ZBTB24: variants seen among roughly 807,000 people sequenced by gnomAD.
The protein encoded by ZBTB24 is zinc finger and BTB domain containing 24.
Under a neutral mutation model 53.8 loss-of-function variants are expected in ZBTB24, and 32 were observed. That is an observed-to-expected ratio of 0.60 (90% CI 0.45 to 0.80). The LOEUF (loss-of-function observed/expected upper bound fraction) is 0.80. ZBTB24 is among the 30% of genes least tolerant of loss of function. The pLI is 0.00. For missense variants in ZBTB24, 722 were observed against 837.1 expected, an observed-to-expected ratio of 0.86 and a Z score of 1.70; for synonymous variants, 297 against 306.7, an observed-to-expected ratio of 0.97 and a Z score of 0.33.
Position 109,466,234 on chromosome 6 carries a change from G to T in ZBTB24, c.1711C>A (p.Gln571Lys), listed in dbSNP as rs1309033090. Residue 571 changes from glutamine (Q) to lysine (K), a missense_variant, in exon 7 of 7, where the codon CAG becomes AAG. Gln to Lys is a moderately conservative substitution (Grantham distance 53, BLOSUM62 1). Transcript: ENST00000230122. ...TCTGCAGTCACAATGCTGATTCCCT[G>T]GCTAGGACCGGGCATGAAATTGATG... is the stretch of plus-strand genomic sequence containing the variant. ...HNINFMPGPS[Q>K]GISIVTAESS... 6.2e-7 allele frequency: 1 copy of T among 1,614,240 alleles called. No homozygotes were observed. The highest frequency in any genetic ancestry group is 1.1e-5 in the South Asian group (1 of 91,088).
chr6:109,477,729 T>A (rs543922308), intron 2 of ZBTB24, among the ~76,000 whole-genome samples: 3 of 152,286 alleles, frequency 2.0e-5, no homozygotes, highest in South Asian at 4.1e-4. Context: ...TAAGTCAACA[T>A]TTCCATCTGG....
chr6:109,474,163 T>C (rs1194775009), intron 5 of ZBTB24, among the ~76,000 whole-genome samples: 1 of 152,100 alleles, frequency 6.6e-6, no homozygotes, highest in East Asian at 1.9e-4. Context: ...AACAGAATTA[T>C]TAAATAACCT....
At chr6:109,469,975 GAA>G (rs1183443513) in intron 5 of ZBTB24, among the ~76,000 whole-genome samples, 3 of 152,208 alleles carry the variant, frequency 2.0e-5, no homozygotes, top group African/African-American at 7.2e-5. Flanking sequence ...GGAGCCTCTG[GAA>G]GTTTTTAGCA....
chr6:109,480,471 G>A (rs780804641), intron 2 of ZBTB24, among the ~76,000 whole-genome samples: 14 of 152,034 alleles, frequency 9.2e-5, no homozygotes, highest in Non-Finnish European at 1.8e-4. Flanking sequence ...GTGGTTACTG[G>A]CCACCATATT....
intron 2 of ZBTB24, among the ~76,000 whole-genome samples, chr6:109,480,499 G>A (rs973461224): frequency 6.6e-6 from 1 of 152,170 alleles, no homozygotes; most frequent in African/African-American, 2.4e-5. Context: ...AGAGATGTAG[G>A]AACATTTCCA....
chr6:109,467,601 C>A, intron 6 of ZBTB24, 52 bp downstream of exon 6: 14 of 1,613,786 alleles, frequency 8.7e-6, no homozygotes, highest in Non-Finnish European at 1.2e-5. Context: ...CCTCACTGAA[C>A]AGCAGAACTG....
At chr6:109,472,002 T>C (rs1045708192) in intron 5 of ZBTB24, among the ~76,000 whole-genome samples, 4 of 152,138 alleles carry the variant, frequency 2.6e-5, no homozygotes, top group African/African-American at 9.7e-5. Context: ...ATCTCTAATT[T>C]GCCTTTGACT....
intron 6 of ZBTB24, among the ~76,000 whole-genome samples, chr6:109,467,403 C>G (rs1167753263): frequency 6.6e-6 from 1 of 152,236 alleles, no homozygotes; most frequent in Admixed American, 6.5e-5. Flanking sequence ...CCCAGTTACT[C>G]AGGAGGCCAC....
At chr6:109,471,218 A>G (rs1776158800) in intron 5 of ZBTB24, among the ~76,000 whole-genome samples, 1 of 152,246 alleles carries the variant, frequency 6.6e-6, no homozygotes, top group African/African-American at 2.4e-5. Context: ...GCATGGTTTG[A>G]CACCTGTGTA....
intron 6 of ZBTB24, among the ~76,000 whole-genome samples, chr6:109,467,097 T>C (rs1776061198): frequency 1.3e-5 from 2 of 152,258 alleles, no homozygotes; most frequent in South Asian, 2.1e-4. Context: ...TTATTTTTGA[T>C]TGAAGATTTA....
At chr6:109,480,706 G>C (rs1776386380) in intron 2 of ZBTB24, among the ~76,000 whole-genome samples, 1 of 152,210 alleles carries the variant, frequency 6.6e-6, no homozygotes, top group African/African-American at 2.4e-5. Context: ...GACATTAAAG[G>C]ATTCATTCAA....
intron 2 of ZBTB24, among the ~76,000 whole-genome samples, chr6:109,480,529 T>C (rs969525413): frequency 1.3e-5 from 2 of 152,196 alleles, no homozygotes; most frequent in Non-Finnish European, 2.9e-5. Context: ...AAGGGTCCCA[T>C]TGGTCAGCGC....
rs1193432143 is a variant in ZBTB24, at chr6:109,463,159, G to C, written c.*2692C>G. On this transcript the variant is annotated 3_prime_UTR_variant, in exon 7 of 7. Transcript: ENST00000230122. ...ACACCACCACGCCCAGCTAATTTTT[G>C]TATTTTTAGTAGAGATGGGGTTTCA... The C allele has an allele frequency of 6.6e-6, 1 of 152,152 alleles. No individual in the cohort carries two copies. Among genetic ancestry groups the C allele is most frequent in the Non-Finnish European group, 1.5e-5 (1 of 68,052 alleles). 9.4% of individuals were successfully genotyped at this position (152,152 alleles called of 1,614,324 possible). A position where few individuals can be genotyped will look rare whatever the true frequency, so the allele number is the denominator to read the frequency against.
chr6:109,473,544 G>A (rs148469897), intron 5 of ZBTB24, among the ~76,000 whole-genome samples: 314 of 152,110 alleles, frequency 2.1e-3, no homozygotes, highest in African/African-American at 7.2e-3. Context: ...CCGGCATCCC[G>A]CCCCCTTACC....
rs1160910472 is a variant in ZBTB24, at chr6:109,481,604, G to A, written c.423C>T (p.Asn141=). 7.4e-6 allele frequency: 12 copies of A among 1,614,198 alleles called. No individual in the cohort carries two copies. The South Asian group carries it at 9.9e-5, about 13-fold the overall frequency. ...NHSSPKPTTL[N]TAGAPVVVIS... ...TAACAACCACTGGGGCACCAGCAGTGTTCAAAGTTGTTGGCTTTGGGGAGC... is the reference window on the plus strand; with the variant it reads ...TAACAACCACTGGGGCACCAGCAGTATTCAAAGTTGTTGGCTTTGGGGAGC... The change falls in exon 2 of 7, where the codon AAC becomes AAT. Residue 141 remains asparagine, a synonymous_variant. Coordinates refer to ENST00000230122, the MANE Select transcript of ZBTB24 (RefSeq NM_014797.3).
intron 2 of ZBTB24, 67 bp downstream of exon 2, chr6:109,481,008 A>G: frequency 6.3e-7 from 1 of 1,589,066 alleles, no homozygotes; most frequent in Non-Finnish European, 8.6e-7. Context: ...AGTAAATGGA[A>G]GCTATTATTA....
intron 4 of ZBTB24, among the ~76,000 whole-genome samples, 164 bp from the exon 5 acceptor site, chr6:109,475,646 C>T (rs1776263522): frequency 6.6e-6 from 1 of 152,232 alleles, no homozygotes; most frequent in African/African-American, 2.4e-5. Flanking sequence ...TTTTCCTAAG[C>T]ACCTCAACTC....
rs930166318 is a variant in ZBTB24, at chr6:109,483,142, C to T, written c.-73G>A. The T allele has an allele frequency of 1.3e-5, 2 of 152,124 alleles. No homozygotes were observed. The highest frequency in any genetic ancestry group is 2.4e-5 in the African/African-American group (1 of 41,412). 9.4% of individuals were successfully genotyped at this position (152,124 alleles called of 1,614,324 possible). On this transcript the variant is annotated 5_prime_UTR_variant, in exon 1 of 7. Coordinates refer to ENST00000230122, the MANE Select transcript of ZBTB24 (RefSeq NM_014797.3). ...CCCACGCCGGGGCCCGCTGGCCCTC[C>T]GCTCCGCCCCGCCCGCCTCTGGGGC... is the stretch of plus-strand genomic sequence containing the variant.
rs1348405223 is a variant in ZBTB24 at position 109,464,742 on chromosome 6, G to A, written c.*1109C>T. 6.6e-6 allele frequency: 1 copy of A among 152,138 alleles called. No individual in the cohort carries two copies. The highest frequency in any genetic ancestry group is 1.5e-5 in the Non-Finnish European group (1 of 68,042). The allele number at this position is 152,138 out of a possible 1,614,324, so 9.4% of individuals were successfully genotyped here. On this transcript the variant is annotated 3_prime_UTR_variant, in exon 7 of 7. Transcript: ENST00000230122. ...GGTTGCTTGAGCCCAGGAATTCGAGGTTACAGTGAGCAATGATTGTGCCAC... is the reference window on the plus strand; with the variant it reads ...GGTTGCTTGAGCCCAGGAATTCGAGATTACAGTGAGCAATGATTGTGCCAC...
Sources: allele counts gnomAD v4.1 joint callset (sites outside exome capture counted in the v4.1 genomes callset), GRCh38; gene constraint gnomAD v4.1.1; transcripts MANE v1.5; gene names NCBI Gene and HGNC (gene_info 2026-07-23, HGNC 2026-07-21).